The following ARHGAP42 variants were observed in gnomAD, a reference collection of about 807,000 sequenced individuals.
ARHGAP42 encodes Rho GTPase activating protein 42, also known as rho GTPase-activating protein 42.
In ARHGAP42, 63 loss-of-function variants were observed where a neutral mutation model predicts 125.0. The ratio of observed to expected loss-of-function variants is 0.50; its 90% confidence interval spans 0.41 to 0.62. ARHGAP42 has a LOEUF of 0.62. ARHGAP42 is among the 20% of genes least tolerant of loss of function. ARHGAP42 has a pLI of 0.00. For missense variants in ARHGAP42, 766 were observed against 1,024.2 expected, an observed-to-expected ratio of 0.75 and a Z score of 3.44; for synonymous variants, 339 against 351.0, an observed-to-expected ratio of 0.97 and a Z score of 0.38.
At chr11:100,787,129 T>G (rs1353895311) in intron 2 of ARHGAP42, among the ~76,000 whole-genome samples, 1 of 151,638 alleles carries the variant, frequency 6.6e-6, no homozygotes, top group African/African-American at 2.4e-5. Flanking sequence ...TACAAAAAAA[T>G]TAGGCGGGCA....
Position 100,948,686 on chromosome 11 carries a change from C to T in ARHGAP42, c.1122+151C>T, listed in dbSNP as rs572149265. On this transcript the variant is annotated intron_variant, in intron 11 of 23. Transcript: ENST00000298815. Reference sequence around the variant, plus strand: ...AGGGGAGTAGAGACTTTTATGGTTTCCTAGTCTCACTCATGGCCCATAACT... The same window carrying T: ...AGGGGAGTAGAGACTTTTATGGTTTTCTAGTCTCACTCATGGCCCATAACT... Among the ~76,000 whole-genome samples, 4 of 152,136 alleles carry T rather than the reference C, an allele frequency of 2.6e-5. No homozygotes were observed. In the East Asian group the frequency reaches 7.7e-4, roughly 29 times the overall value.
At chr11:100,969,875 A>G (rs759063216) in intron 17 of ARHGAP42, among the ~76,000 whole-genome samples, 1 of 152,052 alleles carries the variant, frequency 6.6e-6, no homozygotes, top group Non-Finnish European at 1.5e-5. Context: ...GTTTCTTTGC[A>G]TTGTCATACT....
At chr11:100,960,385 T>G (rs1857923304) in intron 13 of ARHGAP42, among the ~76,000 whole-genome samples, 1 of 152,116 alleles carries the variant, frequency 6.6e-6, no homozygotes, top group South Asian at 2.1e-4. Flanking sequence ...TGAAGTCCAC[T>G]CCAGTTAAAC....
intron 3 of ARHGAP42, among the ~76,000 whole-genome samples, chr11:100,848,936 G>T (rs1314923238): frequency 6.6e-6 from 1 of 152,150 alleles, no homozygotes; most frequent in African/African-American, 2.4e-5. Flanking sequence ...CGTGATAAGT[G>T]CAGGAGAGTG....
intron 4 of ARHGAP42, among the ~76,000 whole-genome samples, chr11:100,863,441 A>G (rs551048824): frequency 6.6e-6 from 1 of 152,300 alleles, no homozygotes; most frequent in South Asian, 2.1e-4. Context: ...TAACAACCAG[A>G]TGATACTACT....
At chr11:100,830,482 C>T (rs956136668) in intron 3 of ARHGAP42, among the ~76,000 whole-genome samples, 4 of 151,876 alleles carry the variant, frequency 2.6e-5, no homozygotes, top group African/African-American at 9.7e-5. Flanking sequence ...GGAGCCGCAG[C>T]GTCAGCCTCG....
At chr11:100,897,590 CT>C (rs1866397094) in intron 4 of ARHGAP42, among the ~76,000 whole-genome samples, 1 of 152,030 alleles carries the variant, frequency 6.6e-6, no homozygotes, top group South Asian at 2.1e-4. Flanking sequence ...GTATTTTATT[CT>C]CTTTGAAGCA....
chr11:100,754,950 G>A (rs1289667141), intron 1 of ARHGAP42, among the ~76,000 whole-genome samples: 1 of 152,162 alleles, frequency 6.6e-6, no homozygotes, highest in Admixed American at 6.5e-5. Flanking sequence ...ACCACTATTG[G>A]AGGACTTTAC....
intron 1 of ARHGAP42, among the ~76,000 whole-genome samples, chr11:100,760,039 T>C (rs921590798): frequency 2.0e-5 from 3 of 152,194 alleles, no homozygotes; most frequent in Non-Finnish European, 2.9e-5. Flanking sequence ...AAAGGTACGT[T>C]AATAGGACTG....
chr11:100,818,557 G>A (rs1243429647), intron 3 of ARHGAP42, among the ~76,000 whole-genome samples: 1 of 152,172 alleles, frequency 6.6e-6, no homozygotes, highest in Non-Finnish European at 1.5e-5. Context: ...GAAAAGGAGA[G>A]GAGAGAAGGA....
intron 1 of ARHGAP42, among the ~76,000 whole-genome samples, chr11:100,725,552 C>A (rs1208441163): frequency 6.6e-6 from 1 of 151,942 alleles, no homozygotes; most frequent in Non-Finnish European, 1.5e-5. Context: ...CAGCACTTTT[C>A]GGAGCTGAGG....
chr11:100,806,821 A>ATTTGTTTGTTTG (rs1186533000), intron 3 of ARHGAP42, among the ~76,000 whole-genome samples: 2 of 141,850 alleles, frequency 1.4e-5, no homozygotes, highest in Admixed American at 7.6e-5. Flanking sequence ...TAAATTTTTT[A>ATTTGTTTGTTTG]TTTGTTTGTT....
intron 15 of ARHGAP42, 104 bp downstream of exon 15, chr11:100,961,872 G>A (rs1044836068): frequency 6.8e-5 from 58 of 849,844 alleles, no homozygotes; most frequent in Non-Finnish European, 9.6e-5. Context: ...GCTTCACTCA[G>A]TAGCTCAGTT....
intron 8 of ARHGAP42, among the ~76,000 whole-genome samples, chr11:100,940,750 T>A (rs1052803724): frequency 1.3e-5 from 2 of 152,126 alleles, no homozygotes; most frequent in Non-Finnish European, 2.9e-5. Context: ...CTTAGTGAAG[T>A]CTTAGATGCG....
intron 4 of ARHGAP42, among the ~76,000 whole-genome samples, chr11:100,910,479 T>C (rs993857804): frequency 3.3e-5 from 5 of 152,170 alleles, no homozygotes; most frequent in Admixed American, 3.3e-4. Flanking sequence ...TTTAAAATAA[T>C]GCCATATCAA....
chr11:100,858,846 G>A (rs750819025), intron 3 of ARHGAP42, among the ~76,000 whole-genome samples: 1 of 152,046 alleles, frequency 6.6e-6, no homozygotes, highest in South Asian at 2.1e-4. Flanking sequence ...TTCCCCTCCA[G>A]AATAATGGTA....
chr11:100,740,159 G>A (rs898788231), intron 1 of ARHGAP42, among the ~76,000 whole-genome samples: 6 of 150,936 alleles, frequency 4.0e-5, no homozygotes, highest in African/African-American at 9.7e-5. Context: ...CCTGTTGACA[G>A]TGAAGTCTAA....
intron 2 of ARHGAP42, among the ~76,000 whole-genome samples, chr11:100,772,560 G>A (rs1863008312): frequency 6.6e-6 from 1 of 152,160 alleles, no homozygotes; most frequent in African/African-American, 2.4e-5. Flanking sequence ...CCAGGAATAA[G>A]GGAGAGCCCT....
chr11:100,851,882 T>A (rs1354714562), intron 3 of ARHGAP42, among the ~76,000 whole-genome samples: 3 of 152,306 alleles, frequency 2.0e-5, no homozygotes, highest in African/African-American at 7.2e-5. Context: ...GTGAGAAATC[T>A]GATTGGTAGT....
Sources: gnomAD v4.1 joint callset for allele counts (sites outside exome capture counted in the v4.1 genomes callset) on GRCh38, gnomAD v4.1.1 for gene constraint, MANE v1.5 for transcripts, NCBI Gene and HGNC (gene_info 2026-07-23, HGNC 2026-07-21) for gene names.